The following SEC24B variants were observed in gnomAD, a reference collection of about 807,000 sequenced individuals.
SEC24B encodes SEC24 homolog B, COPII component.
SEC24B carries 45 observed loss-of-function variants against 142.8 expected under a neutral mutation model. The observed-to-expected ratio is 0.32, with a 90% CI of 0.25 to 0.40. The LOEUF (loss-of-function observed/expected upper bound fraction) is 0.40, where lower values mean the gene tolerates loss of function less well. Ranked by LOEUF, SEC24B falls within the 10% of genes least tolerant of loss-of-function variation. SEC24B has a pLI of 1.00. For synonymous variants in SEC24B, 574 were observed against 568.2 expected (o/e 1.01, Z -0.15); for missense variants, 1,409 against 1,526.8 (o/e 0.92, Z 1.29).
rs1724101621 is a variant in SEC24B at position 109,525,351 on chromosome 4, A to G, written c.2638A>G (p.Met880Val). The G allele has an allele frequency of 6.3e-7, 1 of 1,586,448 alleles. No individual in the cohort carries two copies. Among genetic ancestry groups the G allele is most frequent in the African/African-American group, 1.4e-5 (1 of 73,710 alleles). Residue 880 changes from methionine to valine, a missense_variant, in exon 16 of 24, where the codon ATG (methionine) becomes GTG (valine). Transcript: ENST00000265175. The part of the protein sequence containing the change: ...QYSDLASLAC[M>V]SKYSAGCIYY... ...TTTTGTATTTCTCTCTAAAGCTTGC[A>G]TGTCCAAGTATTCTGCAGGGTGCAT... is the stretch of plus-strand genomic sequence containing the variant.
intron 1 of SEC24B, among the ~76,000 whole-genome samples, chr4:109,434,244 C>T (rs1469378785): frequency 2.0e-5 from 3 of 152,000 alleles, no homozygotes; most frequent in Non-Finnish European, 2.9e-5. Context: ...GGGGGCCGGC[C>T]TGGGAAAGCT....
chr4:109,483,048 T>TTATATATATA (rs1314543828), intron 4 of SEC24B, among the ~76,000 whole-genome samples: 26 of 119,054 alleles, frequency 2.2e-4, no homozygotes, highest in East Asian at 1.1e-3. Context: ...ATATATGTAT[T>TTATATATATA]TATGTATTTA....
chr4:109,491,683 G>A (rs982982568), intron 5 of SEC24B, among the ~76,000 whole-genome samples: 1 of 151,940 alleles, frequency 6.6e-6, no homozygotes, highest in Non-Finnish European at 1.5e-5. Flanking sequence ...TCTTTTTAAA[G>A]AATAACTACT....
chr4:109,458,318 T>G (rs1226746535), intron 1 of SEC24B, among the ~76,000 whole-genome samples: 2 of 152,236 alleles, frequency 1.3e-5, no homozygotes, highest in East Asian at 3.8e-4. Context: ...TATATTTTCT[T>G]TTCATTTTTG....
At chr4:109,482,293 G>A (rs1233526438) in intron 4 of SEC24B, among the ~76,000 whole-genome samples, 1 of 152,172 alleles carries the variant, frequency 6.6e-6, no homozygotes, top group Non-Finnish European at 1.5e-5. Flanking sequence ...CCTGCTTCAT[G>A]AAATAGTACA....
At chr4:109,455,428 A>G (rs1197216653) in intron 1 of SEC24B, among the ~76,000 whole-genome samples, 2 of 151,886 alleles carry the variant, frequency 1.3e-5, no homozygotes, top group South Asian at 4.1e-4. Flanking sequence ...TTTTGTAGAG[A>G]TGGGGTTTCA....
chr4:109,493,711 C>T (rs1173348774), intron 5 of SEC24B, among the ~76,000 whole-genome samples: 1 of 151,704 alleles, frequency 6.6e-6, no homozygotes, highest in Non-Finnish European at 1.5e-5. Context: ...TCACTGCAGC[C>T]TCAGCCTCCT....
At chr4:109,518,963 C>T (rs1723293476) in intron 11 of SEC24B, among the ~76,000 whole-genome samples, 1 of 152,002 alleles carries the variant, frequency 6.6e-6, no homozygotes, top group African/African-American at 2.4e-5. Context: ...CACACCATCA[C>T]ACTCGGCTAA....
At chr4:109,529,994 A>T (rs1346211397) in intron 18 of SEC24B, among the ~76,000 whole-genome samples, 1 of 152,194 alleles carries the variant, frequency 6.6e-6, no homozygotes, top group African/African-American at 2.4e-5. Context: ...TTGGCCTCCC[A>T]AAGTGCTGGG....
chr4:109,471,637 C>G (rs1732535273), intron 2 of SEC24B, among the ~76,000 whole-genome samples: 3 of 151,996 alleles, frequency 2.0e-5, no homozygotes, highest in Non-Finnish European at 2.9e-5. Flanking sequence ...TGAATTCACT[C>G]ATGTGAATTC....
chr4:109,504,781 C>T (rs1249975124), intron 6 of SEC24B, among the ~76,000 whole-genome samples: 1 of 152,174 alleles, frequency 6.6e-6, no homozygotes, highest in East Asian at 1.9e-4. Flanking sequence ...TATTGGTCTT[C>T]CATTACAAGT....
intron 4 of SEC24B, among the ~76,000 whole-genome samples, chr4:109,485,280 A>G (rs943111084): frequency 3.9e-5 from 6 of 152,248 alleles, no homozygotes; most frequent in African/African-American, 1.4e-4. Context: ...AATCAACTCT[A>G]TTTTACAGAT....
At chr4:109,518,014 C>G (rs1477998572) in intron 11 of SEC24B, among the ~76,000 whole-genome samples, 2 of 151,966 alleles carry the variant, frequency 1.3e-5, no homozygotes, top group Admixed American at 6.6e-5. Flanking sequence ...GTTGCCCAGG[C>G]TGGAGTGCAG....
intron 22 of SEC24B, among the ~76,000 whole-genome samples, chr4:109,536,060 A>G (rs1375968770): frequency 6.6e-6 from 1 of 150,718 alleles, no homozygotes; most frequent in Non-Finnish European, 1.5e-5. Flanking sequence ...AATCCTTATT[A>G]CAATCTGTCA....
intron 5 of SEC24B, among the ~76,000 whole-genome samples, chr4:109,491,910 A>T (rs1206718494): frequency 1.3e-5 from 2 of 152,144 alleles, no homozygotes; most frequent in East Asian, 3.9e-4. Context: ...ACATTCAAGT[A>T]CAGGAGTAGA....
chr4:109,522,668 A>G (rs1723773301), intron 14 of SEC24B, among the ~76,000 whole-genome samples: 1 of 152,232 alleles, frequency 6.6e-6, no homozygotes, highest in Admixed American at 6.5e-5. Flanking sequence ...GAAAGTGGAG[A>G]AAAGCATAAA....
chr4:109,441,588 T>A (rs1198751787), intron 1 of SEC24B, among the ~76,000 whole-genome samples: 1 of 152,126 alleles, frequency 6.6e-6, no homozygotes, highest in Non-Finnish European at 1.5e-5. Context: ...CATGCCACTA[T>A]GCCCAGCTAA....
intron 11 of SEC24B, among the ~76,000 whole-genome samples, chr4:109,519,997 A>G (rs979586633): frequency 1.3e-5 from 2 of 152,214 alleles, no homozygotes; most frequent in Non-Finnish European, 2.9e-5. Context: ...CAGCTCTAAC[A>G]GCATTTTAAA....
intron 1 of SEC24B, among the ~76,000 whole-genome samples, chr4:109,453,132 T>C (rs1208891792): frequency 6.6e-6 from 1 of 152,092 alleles, no homozygotes; most frequent in Non-Finnish European, 1.5e-5. Context: ...AGTGTACTAA[T>C]AGGATGTGGG....
Sources: gnomAD v4.1 joint callset for allele counts (sites outside exome capture counted in the v4.1 genomes callset) on GRCh38, gnomAD v4.1.1 for gene constraint, MANE v1.5 for transcripts, NCBI Gene and HGNC (gene_info 2026-07-23, HGNC 2026-07-21) for gene names.